Variants in CCDC12 observed in about 807,000 individuals in gnomAD.
CCDC12 encodes coiled-coil domain containing 12, also known as coiled-coil domain-containing protein 12.
A neutral mutation model predicts 25.7 loss-of-function variants in CCDC12; 28 were observed. That is an observed-to-expected ratio of 1.09 (90% CI 0.81 to 1.50). The LOEUF (loss-of-function observed/expected upper bound fraction) is 1.50. CCDC12 is among the 40% of genes most tolerant of loss of function. The pLI, the probability that CCDC12 is intolerant of heterozygous loss-of-function variation, is 0.00. For synonymous variants in CCDC12, 75 were observed against 87.7 expected (o/e 0.86, Z 0.81); for missense variants, 198 against 210.0 (o/e 0.94, Z 0.35).
rs73831430 is a variant in CCDC12 at position 46,962,783 on chromosome 3, T to C, written c.96+13854A>G. Among the ~76,000 whole-genome samples, 326 of 152,176 alleles carry C rather than the reference T, an allele frequency of 2.1e-3. 3 individuals carry two copies. Among genetic ancestry groups the C allele is most frequent in the African/African-American group, 7.5e-3 (312 of 41,498 alleles). ...ATACAGTGCTGGTCAGAGTGCAAAATAGTAGAGCCATTTTGCAAAAGTGTT... is the reference window on the plus strand; with the variant it reads ...ATACAGTGCTGGTCAGAGTGCAAAACAGTAGAGCCATTTTGCAAAAGTGTT... On this transcript the variant is annotated intron_variant, in intron 1 of 6. Transcript: ENST00000683445.
At chr3:46,974,218 G>A (rs966214063) in intron 1 of CCDC12, among the ~76,000 whole-genome samples, 1 of 152,182 alleles carries the variant, frequency 6.6e-6, no homozygotes, top group African/African-American at 2.4e-5. Context: ...ATTGTTTAAC[G>A]GGTACAGAGT....
intron 1 of CCDC12, among the ~76,000 whole-genome samples, chr3:46,954,653 G>A (rs983145390): frequency 7.3e-5 from 11 of 151,466 alleles, no homozygotes; most frequent in East Asian, 1.9e-4. Context: ...CACCGGGCAC[G>A]GTGGCTCACG....
chr3:46,971,544 A>T (rs2034802867), intron 1 of CCDC12, among the ~76,000 whole-genome samples: 1 of 152,256 alleles, frequency 6.6e-6, no homozygotes, highest in Non-Finnish European at 1.5e-5. Flanking sequence ...TTTGCGCAGA[A>T]TAATACACGG....
intron 1 of CCDC12, among the ~76,000 whole-genome samples, chr3:46,973,868 T>C (rs1180867733): frequency 1.3e-5 from 2 of 152,122 alleles, no homozygotes; most frequent in Non-Finnish European, 2.9e-5. Flanking sequence ...CACCTCGGCT[T>C]CCCAAAGTGC....
intron 1 of CCDC12, among the ~76,000 whole-genome samples, chr3:46,958,728 T>C (rs1380344830): frequency 6.6e-6 from 1 of 152,064 alleles, no homozygotes; most frequent in African/African-American, 2.4e-5. Context: ...ACTCGGGATG[T>C]TTGTTAAGTG....
intron 1 of CCDC12, among the ~76,000 whole-genome samples, chr3:46,950,157 T>C (rs1284462122): frequency 6.6e-6 from 1 of 152,128 alleles, no homozygotes; most frequent in East Asian, 1.9e-4. Context: ...GGGAACCTGA[T>C]GCTCCTTCTG....
At chr3:46,977,471 CAAAA>C (rs61340798), upstream of CCDC12, among the ~76,000 whole-genome samples, 4 of 120,324 alleles carry the variant, frequency 3.3e-5, no homozygotes, top group African/African-American at 9.9e-5. Context: ...GACTCCGTCT[CAAAA>C]AAAAAAAAAA....
intron 2 of CCDC12, among the ~76,000 whole-genome samples, chr3:46,926,549 G>A (rs780689676): frequency 1.6e-4 from 25 of 152,170 alleles, no homozygotes; most frequent in Middle Eastern, 3.4e-3. Context: ...GGTCCTCTCT[G>A]GCTCAGGGGC....
chr3:46,971,282 G>A lies in CCDC12; in HGVS notation c.96+5355C>T, dbSNP rs528195872. ...AACCCCAGCAGTACTGTCTTTCTGC[G>A]TGTCAACGGGAACTGGCTGACCTAC... is the stretch of plus-strand genomic sequence containing the variant. On this transcript the variant is annotated intron_variant, in intron 1 of 6. Transcript: ENST00000683445. Among the ~76,000 whole-genome samples the A allele has an allele frequency of 2.5e-4, 38 of 152,318 alleles. No individual in the cohort carries two copies. In the South Asian group the frequency reaches 2.7e-3, roughly 11 times the overall value.
intron 1 of CCDC12, among the ~76,000 whole-genome samples, chr3:46,943,400 C>T (rs563813085): frequency 4.6e-5 from 7 of 152,286 alleles, no homozygotes; most frequent in East Asian, 3.9e-4. Flanking sequence ...GGGGAAGGAG[C>T]GGCAGACACC....
intron 1 of CCDC12, among the ~76,000 whole-genome samples, chr3:46,973,911 C>A (rs2034887344): frequency 6.6e-6 from 1 of 152,096 alleles, no homozygotes; most frequent in Admixed American, 6.5e-5. Flanking sequence ...CGCACCAGGC[C>A]TTGTACTCCC....
At chr3:46,933,560 C>T (rs11130108) in intron 2 of CCDC12, among the ~76,000 whole-genome samples, 145,667 of 152,344 alleles carry the variant, frequency 0.96, 70,016 homozygotes, top group East Asian at 1. Context: ...CTGCATCATG[C>T]GGTCTGCACC....
chr3:46,963,265 G>A (rs1408253671), intron 1 of CCDC12, among the ~76,000 whole-genome samples: 2 of 152,122 alleles, frequency 1.3e-5, no homozygotes, highest in Admixed American at 1.3e-4. Context: ...TTACTGAGCT[G>A]ATTTATGTAC....
At chr3:46,938,212 C>T (rs2033534196) in intron 2 of CCDC12, among the ~76,000 whole-genome samples, 1 of 152,188 alleles carries the variant, frequency 6.6e-6, no homozygotes, top group Non-Finnish European at 1.5e-5. Context: ...CAAAACAGGG[C>T]CCTGCACCTG....
chr3:46,975,023 C>G (rs2034921585), intron 1 of CCDC12, among the ~76,000 whole-genome samples: 1 of 152,192 alleles, frequency 6.6e-6, no homozygotes, highest in African/African-American at 2.4e-5. Flanking sequence ...TAGTGAACTT[C>G]AGAATTCTTC....
chr3:46,923,446 GGA>G, intron 4 of CCDC12, 83 bp from the exon 5 acceptor site: 1 of 1,537,080 alleles, frequency 6.5e-7, no homozygotes, highest in Non-Finnish European at 8.9e-7. Flanking sequence ...GAGGGAAATG[GGA>G]GAAAGAGGAG....
rs376296277 is a variant in CCDC12, at chr3:46,946,057, T to C, written c.97-4992A>G. 9.4e-4 allele frequency among the ~76,000 whole-genome samples: 143 copies of C among 152,322 alleles called. 4 individuals are homozygous for C. In the South Asian group the frequency reaches 0.029, roughly 31 times the overall value. On this transcript the variant is annotated intron_variant, in intron 1 of 6. Coordinates refer to ENST00000683445, the MANE Select transcript of CCDC12 (RefSeq NM_001277074.2). ...TGGGGGCAGAATCAATCCACATTGC[T>C]GTCTGAATGTAGTACCACTGCTAGA... is the stretch of plus-strand genomic sequence containing the variant.
upstream of CCDC12, chr3:46,976,787 A>C (rs1204106776): frequency 9.6e-6 from 15 of 1,556,734 alleles, no homozygotes; most frequent in African/African-American, 1.4e-5. Context: ...AGGCCTAAGG[A>C]GAGTGGATAA....
At chr3:46,930,633 C>T (rs2033167592) in intron 2 of CCDC12, among the ~76,000 whole-genome samples, 2 of 152,232 alleles carry the variant, frequency 1.3e-5, no homozygotes, top group South Asian at 2.1e-4. Flanking sequence ...TCCACTGGCC[C>T]TCCCTCTGAC....
Sources: gnomAD v4.1 joint callset for allele counts (sites outside exome capture counted in the v4.1 genomes callset) on GRCh38, gnomAD v4.1.1 for gene constraint, MANE v1.5 for transcripts, NCBI Gene and HGNC (gene_info 2026-07-23, HGNC 2026-07-21) for gene names.